CDC40: variants seen among roughly 807,000 people sequenced by gnomAD.
The protein encoded by CDC40 is pre-mRNA-processing factor 17.
In CDC40, 27 loss-of-function variants were observed where a neutral mutation model predicts 80.6. That is an observed-to-expected ratio of 0.33 (90% confidence interval 0.25 to 0.46). The LOEUF (loss-of-function observed/expected upper bound fraction) is 0.46. Among genes scored for constraint, CDC40 ranks in the 20% least tolerant of loss-of-function variants. The pLI is 1.00. For missense variants in CDC40, 486 were observed against 694.1 expected (o/e 0.70, Z 3.37); for synonymous variants, 221 against 232.6 (o/e 0.95, Z 0.45).
rs111814710 is a variant in CDC40, at chr6:110,181,800, C to T, written c.189+1167C>T. 5.5e-3 allele frequency among the ~76,000 whole-genome samples: 838 copies of T among 152,286 alleles called. 12 individuals carry two copies. Among genetic ancestry groups the T allele is most frequent in the African/African-American group, 0.02 (812 of 41,546 alleles). ...GTCTGTGAGTGATGTCCCAGGCCTT[C>T]CAGTTGTCAAGTTCAGCCATCTGAC... On this transcript the variant is annotated intron_variant, in intron 1 of 14. Transcript: ENST00000307731.
intron 1 of CDC40, among the ~76,000 whole-genome samples, chr6:110,184,105 C>A (rs1424289995): frequency 6.6e-6 from 1 of 152,178 alleles, no homozygotes; most frequent in African/African-American, 2.4e-5. Context: ...CTTGTATTAT[C>A]TCTTGAAAGC....
intron 12 of CDC40, among the ~76,000 whole-genome samples, chr6:110,221,047 G>T (rs1777769702): frequency 6.6e-6 from 1 of 152,032 alleles, no homozygotes; most frequent in Non-Finnish European, 1.5e-5. Context: ...TTGGTTAATT[G>T]TACTTTACTA....
intron 3 of CDC40, 61 bp from the exon 4 acceptor site, chr6:110,207,442 TATA>T (rs1777580303): frequency 4.8e-6 from 4 of 833,110 alleles, no homozygotes; most frequent in Non-Finnish European, 8.1e-6. Context: ...ATATTTGTAT[TATA>T]ATAATAAAAT....
In CDC40 at chr6:110,228,884, A is replaced by G; in HGVS notation, c.1470A>G (p.Ala490=). Residue 490 remains alanine, a synonymous_variant, in exon 14 of 15, where the codon GCA becomes GCG. Transcript: ENST00000307731. ...ACAACCAAATCTTAATTTTTGGAGCACAGAACAGATTTAGATTAAATAAGA... is the reference window on the plus strand; with the variant it reads ...ACAACCAAATCTTAATTTTTGGAGCGCAGAACAGATTTAGATTAAATAAGA... ...SMDNQILIFG[A]QNRFRLNKKK... 1 of 1,604,836 alleles carries G rather than the reference A, an allele frequency of 6.2e-7. No homozygotes were observed. The highest frequency in any genetic ancestry group is 1.1e-5 in the South Asian group (1 of 88,422).
At chr6:110,213,203 C>A in intron 8 of CDC40, 43 bp downstream of exon 8, 1 of 1,217,316 alleles carries the variant, frequency 8.2e-7, no homozygotes, top group Non-Finnish European at 1.2e-6. Flanking sequence ...AAAGCTAGTT[C>A]TTTGTTTAAA....
intron 12 of CDC40, among the ~76,000 whole-genome samples, chr6:110,225,883 C>T (rs1038676131): frequency 1.2e-4 from 18 of 152,208 alleles, no homozygotes; most frequent in Non-Finnish European, 2.1e-4. Context: ...CTTTCAGTAA[C>T]AGATTTTTTA....
At chr6:110,202,120 G>A (rs1584070038) in intron 3 of CDC40, among the ~76,000 whole-genome samples, 1 of 152,138 alleles carries the variant, frequency 6.6e-6, no homozygotes, top group South Asian at 2.1e-4. Flanking sequence ...TCACTGAAGG[G>A]TATCAGGAAA....
At chr6:110,185,363 CT>C (rs1369077735) in intron 1 of CDC40, among the ~76,000 whole-genome samples, 8 of 150,034 alleles carry the variant, frequency 5.3e-5, no homozygotes, top group Non-Finnish European at 4.5e-5. Context: ...CTGCCTCAGC[CT>C]CCCAAGTAGC....
chr6:110,195,528 G>A (rs529468728), intron 2 of CDC40, among the ~76,000 whole-genome samples: 7 of 152,074 alleles, frequency 4.6e-5, no homozygotes, highest in Non-Finnish European at 8.8e-5. Context: ...AACCTTGGAC[G>A]TTCTTAGTTT....
intron 1 of CDC40, 115 bp downstream of exon 1, chr6:110,180,748 A>T: frequency 1.4e-6 from 1 of 734,774 alleles, no homozygotes; most frequent in South Asian, 1.8e-5. Context: ...ATAAGTTGCT[A>T]ACGTTTGAAT....
Position 110,217,853 on chromosome 6 carries a change from T to A in CDC40, c.1090+50T>A, listed in dbSNP as rs746213633. 4.2e-6 allele frequency: 4 copies of A among 957,290 alleles called. No homozygotes were observed. The East Asian group carries it at 7.3e-5, about 17-fold the overall frequency. The allele number at this position is 957,290 out of a possible 1,614,324, so 59.3% of individuals were successfully genotyped here. A position where few individuals can be genotyped will look rare whatever the true frequency, so the allele number is the denominator to read the frequency against. ...ACATTCATCTTACAAGTTATTTATA[T>A]TTGAAATGGTGTGAGTAGTCTTTTG... On this transcript the variant is annotated intron_variant, in intron 10 of 14. Transcript: ENST00000307731.
chr6:110,187,746 A>G (rs887673614), intron 1 of CDC40, among the ~76,000 whole-genome samples: 2 of 152,214 alleles, frequency 1.3e-5, no homozygotes, highest in Non-Finnish European at 2.9e-5. Context: ...AGTGAATATT[A>G]CCCAGTTTTA....
chr6:110,219,948 A>G (rs1008250217), intron 12 of CDC40, 79 bp downstream of exon 12: 2 of 1,324,334 alleles, frequency 1.5e-6, no homozygotes, highest in Non-Finnish European at 2.1e-6. Context: ...GAAGCCTGAT[A>G]ATATGCAACC....
chr6:110,219,670 A>G (rs79527064), intron 11 of CDC40, 66 bp from the exon 12 acceptor site: 49,539 of 1,535,044 alleles, frequency 0.032, 1,557 homozygotes, highest in East Asian at 0.12. Context: ...TCCACTTTCC[A>G]GAATTATGGT....
chr6:110,210,028 A>G (rs530283423), intron 5 of CDC40, among the ~76,000 whole-genome samples: 43 of 152,294 alleles, frequency 2.8e-4, no homozygotes, highest in African/African-American at 1.0e-3. Context: ...TGTAAAAACA[A>G]TTAACTGAAA....
intron 13 of CDC40, 52 bp downstream of exon 13, chr6:110,226,295 G>A: frequency 8.7e-7 from 1 of 1,155,698 alleles, no homozygotes. Flanking sequence ...GATACAGTGT[G>A]ATTTCTTTAT....
intron 2 of CDC40, among the ~76,000 whole-genome samples, chr6:110,195,475 A>C (rs775870777): frequency 3.3e-5 from 5 of 152,220 alleles, no homozygotes; most frequent in Non-Finnish European, 5.9e-5. Context: ...CAGGTCAAGA[A>C]CATGAGATTT....
intron 12 of CDC40, among the ~76,000 whole-genome samples, chr6:110,222,198 T>C (rs961421191): frequency 1.3e-5 from 2 of 152,088 alleles, no homozygotes; most frequent in Non-Finnish European, 2.9e-5. Context: ...AAGGCTGCCG[T>C]GGTCTATGCT....
At chr6:110,202,030 A>G (rs1777499615) in intron 3 of CDC40, among the ~76,000 whole-genome samples, 1 of 152,150 alleles carries the variant, frequency 6.6e-6, no homozygotes, top group South Asian at 2.1e-4. Context: ...TAGTGTTAAG[A>G]GGTTACTTTT....
Sources: allele counts gnomAD v4.1 joint callset (sites outside exome capture counted in the v4.1 genomes callset), GRCh38; gene constraint gnomAD v4.1.1; transcripts MANE v1.5; gene names NCBI Gene and HGNC (gene_info 2026-07-23, HGNC 2026-07-21).